Variants in NDST3 observed in about 807,000 individuals in gnomAD.
NDST3 encodes bifunctional heparan sulfate N-deacetylase/N-sulfotransferase 3.
A neutral mutation model predicts 96.1 loss-of-function variants in NDST3; 58 were observed. The observed-to-expected ratio is 0.60, with a 90% CI of 0.49 to 0.75. NDST3 has a LOEUF of 0.75. Among genes scored for constraint, NDST3 ranks in the 30% least tolerant of loss-of-function variants. NDST3 has a pLI of 0.00. For synonymous variants in NDST3, 333 were observed against 359.7 expected (o/e 0.93, Z 0.84); for missense variants, 788 against 1,034.2 (o/e 0.76, Z 3.27).
In NDST3 at chr4:118,255,657, AAC is replaced by A; in HGVS notation, c.2568_2569del (p.Lys856AsnfsTer46). On this transcript the variant is annotated frameshift_variant, in exon 14 of 14. Transcript: ENST00000296499. LOFTEE classifies it high-confidence loss of function. ...GTGGAACTCTCAAAGCTGCTGCACAAACTGGGTCAGCCTCTGCCATCCTGGCT... is the reference window on the plus strand; with the variant it reads ...GTGGAACTCTCAAAGCTGCTGCACAATGGGTCAGCCTCTGCCATCCTGGCT... 1.9e-6 allele frequency: 3 copies of A among 1,613,868 alleles called. No individual in the cohort carries two copies. The highest frequency in any genetic ancestry group is 2.5e-6 in the Non-Finnish European group (3 of 1,179,830).
intron 4 of NDST3, among the ~76,000 whole-genome samples, chr4:118,131,427 T>C (rs529532229): frequency 3.0e-4 from 45 of 152,036 alleles, no homozygotes; most frequent in Middle Eastern, 3.4e-3. Context: ...AACTCTAGAA[T>C]TTCTGCTTGA....
At chr4:118,166,017 A>C (rs1735524941) in intron 6 of NDST3, among the ~76,000 whole-genome samples, 1 of 151,582 alleles carries the variant, frequency 6.6e-6, no homozygotes, top group African/African-American at 2.4e-5. Context: ...AGAAACTAGA[A>C]AAAAAAGAGC....
At chr4:118,042,386 C>A (rs1045699423) in intron 1 of NDST3, among the ~76,000 whole-genome samples, 2 of 152,142 alleles carry the variant, frequency 1.3e-5, no homozygotes, top group South Asian at 4.1e-4. Flanking sequence ...TGGATTACAG[C>A]AGCAGCCCCT....
intron 2 of NDST3, among the ~76,000 whole-genome samples, chr4:118,090,918 T>C (rs926201227): frequency 2.0e-5 from 3 of 151,938 alleles, no homozygotes; most frequent in Admixed American, 6.6e-5. Flanking sequence ...GTTACAATTA[T>C]ATTTTACAAA....
At chr4:118,104,883 AAACTATTTTCCACC>A (rs1730043218) in intron 2 of NDST3, 121 bp from the exon 3 acceptor site, 2 of 611,792 alleles carry the variant, frequency 3.3e-6, no homozygotes, top group Admixed American at 3.1e-5. Flanking sequence ...AGTGATAAAG[AAACTATTTTCCACC>A]ATTTAATTCT....
chr4:118,098,881 C>T (rs1729555095), intron 2 of NDST3, among the ~76,000 whole-genome samples: 1 of 151,956 alleles, frequency 6.6e-6, no homozygotes, highest in South Asian at 2.1e-4. Flanking sequence ...TGTTACGGCT[C>T]AATTTAAAAA....
intron 4 of NDST3, among the ~76,000 whole-genome samples, chr4:118,116,987 TC>T (rs1336878594): frequency 6.6e-6 from 1 of 152,136 alleles, no homozygotes; most frequent in Non-Finnish European, 1.5e-5. Flanking sequence ...AAAAACAATA[TC>T]TGGTCATTCT....
intron 6 of NDST3, among the ~76,000 whole-genome samples, chr4:118,162,222 A>T (rs1660115652): frequency 6.6e-6 from 1 of 152,072 alleles, no homozygotes; most frequent in Non-Finnish European, 1.5e-5. Context: ...GCTACCAATG[A>T]CTTTCTTCAC....
chr4:118,039,982 A>G (rs974467541), intron 1 of NDST3, among the ~76,000 whole-genome samples: 1 of 152,248 alleles, frequency 6.6e-6, no homozygotes, highest in African/African-American at 2.4e-5. Flanking sequence ...GGAAAGAAGT[A>G]ACAGAGTTCC....
chr4:118,038,381 C>G (rs1462905704), intron 1 of NDST3, among the ~76,000 whole-genome samples: 1 of 152,126 alleles, frequency 6.6e-6, no homozygotes, highest in Non-Finnish European at 1.5e-5. Flanking sequence ...ATTTCTAATA[C>G]AAAGATGGAG....
chr4:118,100,577 G>C (rs2125844509), intron 2 of NDST3, among the ~76,000 whole-genome samples: 1 of 152,194 alleles, frequency 6.6e-6, no homozygotes, highest in East Asian at 1.9e-4. Context: ...AAAAGTGACA[G>C]TTAAATATTG....
intron 12 of NDST3, among the ~76,000 whole-genome samples, chr4:118,246,592 G>A (rs1427030285): frequency 6.6e-6 from 1 of 152,012 alleles, no homozygotes; most frequent in Non-Finnish European, 1.5e-5. Context: ...GGGAACAAGA[G>A]CGAAACTCCA....
chr4:118,134,259 A>G (rs1732886578), intron 4 of NDST3, among the ~76,000 whole-genome samples: 1 of 152,220 alleles, frequency 6.6e-6, no homozygotes, highest in Admixed American at 6.5e-5. Context: ...AGGGTGGCAC[A>G]AGATAAGGCT....
At chr4:118,162,917 A>T (rs1436646066) in intron 6 of NDST3, among the ~76,000 whole-genome samples, 1 of 147,872 alleles carries the variant, frequency 6.8e-6, no homozygotes, top group African/African-American at 2.5e-5. Flanking sequence ...AAAAACAAAC[A>T]ACCCCATCAA....
intron 6 of NDST3, among the ~76,000 whole-genome samples, chr4:118,165,376 T>C (rs910186062): frequency 1.3e-5 from 2 of 151,874 alleles, no homozygotes; most frequent in African/African-American, 4.8e-5. Context: ...CAGGAAGATA[T>C]AACAATTATA....
At chr4:118,208,607 TTCTC>T (rs1391003492) in intron 6 of NDST3, among the ~76,000 whole-genome samples, 2 of 144,008 alleles carry the variant, frequency 1.4e-5, no homozygotes, top group East Asian at 3.9e-4. Context: ...CCCTAGTATA[TTCTC>T]TCTAATAAAG....
chr4:118,066,557 G>C (rs377644444), intron 2 of NDST3, among the ~76,000 whole-genome samples: 3 of 82,460 alleles, frequency 3.6e-5, no homozygotes, highest in African/African-American at 1.8e-4. Context: ...TATATAATAT[G>C]TTATATATTA....
At chr4:118,234,236 AC>A (rs1445182364) in intron 9 of NDST3, among the ~76,000 whole-genome samples, 3 of 151,880 alleles carry the variant, frequency 2.0e-5, no homozygotes, top group Admixed American at 6.6e-5. Flanking sequence ...ACATAGCAAG[AC>A]CCCATCTCTA....
intron 6 of NDST3, among the ~76,000 whole-genome samples, chr4:118,222,738 A>C (rs1469711341): frequency 6.6e-6 from 1 of 152,040 alleles, no homozygotes; most frequent in Non-Finnish European, 1.5e-5. Context: ...AATGTTCTTT[A>C]CTAGCTCATA....
Sources: gnomAD v4.1 joint callset for allele counts (sites outside exome capture counted in the v4.1 genomes callset) on GRCh38, gnomAD v4.1.1 for gene constraint, MANE v1.5 for transcripts, NCBI Gene and HGNC (gene_info 2026-07-23, HGNC 2026-07-21) for gene names.